Variants in MICU3 observed in about 807,000 individuals in gnomAD.
The protein encoded by MICU3 is calcium uptake protein 3, mitochondrial.
In MICU3, 62 loss-of-function variants were observed where a neutral mutation model predicts 66.5. The observed-to-expected ratio is 0.93, with a 90% confidence interval of 0.76 to 1.15. MICU3 has a LOEUF of 1.15. Among genes scored for constraint, MICU3 ranks in the 50% most tolerant of loss-of-function variants. The pLI, the probability that MICU3 is intolerant of heterozygous loss-of-function variation, is 0.00. For missense variants in MICU3, 779 were observed against 664.4 expected (o/e 1.17, Z -1.90); for synonymous variants, 308 against 240.7 (o/e 1.28, Z -2.59).
chr8:17,080,787 T>C (rs781323794), intron 4 of MICU3, among the ~76,000 whole-genome samples: 2 of 152,132 alleles, frequency 1.3e-5, no homozygotes, highest in Non-Finnish European at 2.9e-5. Flanking sequence ...CTCTTTGTTC[T>C]GTAACAAAGA....
In MICU3 at chr8:17,121,470, A is replaced by G. The variant is rs1803191976; in HGVS notation, c.*1183A>G. The G allele has an allele frequency of 6.6e-6, 1 of 152,002 alleles. No individual in the cohort carries two copies. The highest frequency in any genetic ancestry group is 2.4e-5 in the African/African-American group (1 of 41,434). 9.4% of individuals were successfully genotyped at this position (152,002 alleles called of 1,614,324 possible). A position where few individuals can be genotyped will look rare whatever the true frequency, so the allele number is the denominator to read the frequency against. Reference sequence around the variant, plus strand: ...GAAATCTGTTCAATTAAAAATGCTTAGTTTATACAAAGATACTACACAAAA... The same window carrying G: ...GAAATCTGTTCAATTAAAAATGCTTGGTTTATACAAAGATACTACACAAAA... On this transcript the variant is annotated 3_prime_UTR_variant, in exon 15 of 15. Coordinates refer to ENST00000318063, the MANE Select transcript of MICU3 (RefSeq NM_181723.3).
chr8:17,112,138 G>T (rs567065787), intron 11 of MICU3, among the ~76,000 whole-genome samples: 5 of 152,112 alleles, frequency 3.3e-5, no homozygotes, highest in Admixed American at 2.0e-4. Context: ...CCCTGGACAC[G>T]TGGGGATTGC....
chr8:17,085,637 T>C (rs1237414637), intron 6 of MICU3, among the ~76,000 whole-genome samples: 1 of 152,056 alleles, frequency 6.6e-6, no homozygotes, highest in Non-Finnish European at 1.5e-5. Flanking sequence ...CAGTCCCCAT[T>C]ATGTCATCCA....
intron 5 of MICU3, among the ~76,000 whole-genome samples, chr8:17,082,980 C>A (rs747436525): frequency 7.2e-5 from 11 of 152,094 alleles, no homozygotes; most frequent in Non-Finnish European, 1.0e-4. Context: ...ACGGGAATTA[C>A]AACAGAGAAA....
At chr8:17,031,282 T>TATTATC (rs1474133493) in intron 1 of MICU3, among the ~76,000 whole-genome samples, 9 of 147,600 alleles carry the variant, frequency 6.1e-5, no homozygotes, top group Admixed American at 5.4e-4. Flanking sequence ...TTATTATTAT[T>TATTATC]ATTATTATTA....
At chr8:17,137,023 C>T in the MICU3 span, among the ~76,000 whole-genome samples, 2 of 151,814 alleles carry the variant, frequency 1.3e-5, no homozygotes, top group Admixed American at 6.6e-5. Context: ...TTAGTAGAAA[C>T]GGGGTTTCAC....
chr8:17,039,215 C>A (rs1268901241), intron 1 of MICU3, among the ~76,000 whole-genome samples: 2 of 152,168 alleles, frequency 1.3e-5, no homozygotes, highest in Non-Finnish European at 2.9e-5. Flanking sequence ...GTAGCATAAA[C>A]ATAACTTTTA....
chr8:17,102,512 G>T (rs1801352218), intron 9 of MICU3: 2 of 105,888 alleles, frequency 1.9e-5, no homozygotes, highest in East Asian at 4.8e-4. Flanking sequence ...GAAAGCTGAA[G>T]GTTAAAAAAA....
chr8:17,059,757 T>C (rs999011498), intron 1 of MICU3, among the ~76,000 whole-genome samples: 3 of 152,150 alleles, frequency 2.0e-5, no homozygotes, highest in South Asian at 2.1e-4. Context: ...ACAGAAATTA[T>C]GAAATGCTTA....
chr8:17,053,279 G>C (rs114510533), intron 1 of MICU3, among the ~76,000 whole-genome samples: 1 of 152,088 alleles, frequency 6.6e-6, no homozygotes, highest in Non-Finnish European at 1.5e-5. Context: ...GCTGGTAGGC[G>C]TAAGTTTCTC....
chr8:17,118,761 C>G lies in MICU3; in HGVS notation c.1579C>G (p.Leu527Val). The change falls in exon 14 of 15, where the codon CTT becomes GTT. Residue 527 changes from leucine to valine, a missense_variant. Transcript: ENST00000318063. Reference sequence around the variant, plus strand: ...TTTCAAATCCTGCCTGAAGAAAGAACTTCACAGCAGATAAGTATGTTAGCT... The same window carrying G: ...TTTCAAATCCTGCCTGAAGAAAGAAGTTCACAGCAGATAAGTATGTTAGCT... ...PTFKSCLKKELHSR is the reference protein window; with the variant it reads ...PTFKSCLKKEVHSR 1 of 1,609,244 alleles carries G rather than the reference C, an allele frequency of 6.2e-7. No homozygotes were observed. The highest frequency in any genetic ancestry group is 8.5e-7 in the Non-Finnish European group (1 of 1,175,974).
chr8:17,095,292 TC>T (rs1563370355), intron 8 of MICU3, among the ~76,000 whole-genome samples: 1 of 151,940 alleles, frequency 6.6e-6, no homozygotes, highest in Non-Finnish European at 1.5e-5. Flanking sequence ...CTGTTCAGAT[TC>T]TTTAAGGACT....
chr8:17,049,278 A>C (rs946304721), intron 1 of MICU3, among the ~76,000 whole-genome samples: 6 of 152,190 alleles, frequency 3.9e-5, no homozygotes, highest in African/African-American at 1.4e-4. Flanking sequence ...AAAGCCAGAC[A>C]GTAGGAATAG....
At chr8:17,063,103 G>A (rs530521757) in intron 1 of MICU3, among the ~76,000 whole-genome samples, 1 of 152,088 alleles carries the variant, frequency 6.6e-6, no homozygotes, top group South Asian at 2.1e-4. Context: ...TGGCCCCGAA[G>A]TTTTAGTAAG....
At chr8:17,064,059 A>G (rs745792286) in intron 1 of MICU3, 25 bp from the exon 2 acceptor site, 1 of 1,595,624 alleles carries the variant, frequency 6.3e-7, no homozygotes, top group Non-Finnish European at 8.6e-7. Flanking sequence ...ACATCATCCA[A>G]ATGTATTTGC....
chr8:17,036,732 C>T (rs1306776428), intron 1 of MICU3, among the ~76,000 whole-genome samples: 1 of 152,258 alleles, frequency 6.6e-6, no homozygotes, highest in Non-Finnish European at 1.5e-5. Context: ...CCCCACCAGA[C>T]TCAGGAGCCC....
the MICU3 span, among the ~76,000 whole-genome samples, chr8:17,135,126 C>T: frequency 9.9e-5 from 15 of 150,772 alleles, no homozygotes; most frequent in East Asian, 3.9e-4. Context: ...TTTGGCCAGG[C>T]GCAGTGGCTC....
intron 1 of MICU3, among the ~76,000 whole-genome samples, chr8:17,053,773 C>A (rs553686025): frequency 6.6e-6 from 1 of 152,180 alleles, no homozygotes; most frequent in Admixed American, 6.5e-5. Flanking sequence ...CTCAATAAAA[C>A]AGAAGAAATA....
chr8:17,030,988 T>C (rs1043573110), intron 1 of MICU3, among the ~76,000 whole-genome samples: 1 of 152,160 alleles, frequency 6.6e-6, no homozygotes, highest in African/African-American at 2.4e-5. Flanking sequence ...TACCTTTTTA[T>C]ACTCCTTTAC....
Sources: gnomAD v4.1 joint callset for allele counts (sites outside exome capture counted in the v4.1 genomes callset) on GRCh38, gnomAD v4.1.1 for gene constraint, MANE v1.5 for transcripts, NCBI Gene and HGNC (gene_info 2026-07-23, HGNC 2026-07-21) for gene names.